Variants in ANOS1 observed in about 807,000 individuals in gnomAD.
ANOS1 encodes the protein anosmin-1.
A neutral mutation model predicts 59.0 loss-of-function variants in ANOS1; 6 were observed. That is an observed-to-expected ratio of 0.10 (90% confidence interval 0.06 to 0.20). The LOEUF (loss-of-function observed/expected upper bound fraction) is 0.20, where lower values mean the gene tolerates loss of function less well. Among genes scored for constraint, ANOS1 ranks in the 10% least tolerant of loss-of-function variants. ANOS1 has a pLI of 1.00. For missense variants in ANOS1, 433 were observed against 542.3 expected, an observed-to-expected ratio of 0.80 and a Z score of 2.00; for synonymous variants, 217 against 223.4, an observed-to-expected ratio of 0.97 and a Z score of 0.25.
At chrX:8,719,831 T>C (rs1468757008) in intron 1 of ANOS1, among the ~76,000 whole-genome samples, 1 of 111,475 alleles carries the variant, frequency 9.0e-6, no homozygotes, top group Non-Finnish European at 1.9e-5. Context: ...AAAAACCTTA[T>C]GAAAATAAAA....
chrX:8,632,150 C>T (rs754919556), intron 2 of ANOS1, among the ~76,000 whole-genome samples: 1 of 112,092 alleles, frequency 8.9e-6, no homozygotes, highest in East Asian at 2.8e-4. Flanking sequence ...CTAGCCAAGT[C>T]TGAAGGCAAC....
chrX:8,629,417 C>CT (rs1931449799), intron 2 of ANOS1, among the ~76,000 whole-genome samples: 1 of 111,253 alleles, frequency 9.0e-6, no homozygotes, highest in Non-Finnish European at 1.9e-5. Context: ...CATGATAAAG[C>CT]ACTTTATGCC....
At chrX:8,660,126 G>GGCTA (rs111939924) in intron 2 of ANOS1, among the ~76,000 whole-genome samples, 6,718 of 110,513 alleles carry the variant, frequency 0.061, 552 homozygotes, top group African/African-American at 0.21. Context: ...GAGGAGAAGG[G>GGCTA]GCTACCTTCC....
intron 2 of ANOS1, among the ~76,000 whole-genome samples, chrX:8,692,918 T>C (rs1430878296): frequency 8.9e-6 from 1 of 112,431 alleles, no homozygotes; most frequent in Admixed American, 9.4e-5. Context: ...TCTTAGTCTA[T>C]CTTGTGTTAA....
intron 8 of ANOS1, among the ~76,000 whole-genome samples, chrX:8,561,620 A>AT (rs145175421): frequency 2.8e-5 from 3 of 107,341 alleles, no homozygotes; most frequent in Non-Finnish European, 5.8e-5. Context: ...CAGCCGGCTA[A>AT]TTTTTTTTAA....
chrX:8,707,622 A>G (rs1260562145), intron 1 of ANOS1, among the ~76,000 whole-genome samples: 1 of 112,100 alleles, frequency 8.9e-6, no homozygotes. Flanking sequence ...ATACAGTGTA[A>G]CAGCTATTTA....
chrX:8,553,171 C>T (rs1929884851), intron 9 of ANOS1, among the ~76,000 whole-genome samples: 2 of 108,491 alleles, frequency 1.8e-5, no homozygotes, highest in African/African-American at 6.7e-5. Context: ...CTAAAAGTAC[C>T]ACCTTGATAA....
chrX:8,713,909 G>A (rs749479066), intron 1 of ANOS1, among the ~76,000 whole-genome samples: 48 of 111,760 alleles, frequency 4.3e-4, no homozygotes, highest in Non-Finnish European at 7.1e-4. Context: ...CACCGTGTCC[G>A]GCCCAAATGT....
intron 1 of ANOS1, among the ~76,000 whole-genome samples, chrX:8,727,577 G>T (rs1932930802): frequency 8.9e-6 from 1 of 112,373 alleles, no homozygotes; most frequent in Middle Eastern, 4.7e-3. Context: ...GCCTATGAAG[G>T]GGAGGCACCT....
In ANOS1 at chrX:8,672,980, A is replaced by G. The variant is rs192659012; in HGVS notation, c.255+26718T>C. On this transcript the variant is annotated intron_variant, in intron 2 of 13. Coordinates refer to ENST00000262648, the MANE Select transcript of ANOS1 (RefSeq NM_000216.4). ...AGGAGCATATAACTAAATAAATGCC[A>G]TCTAATATTGGGCATCATCAATGTA... Among the ~76,000 whole-genome samples the G allele has an allele frequency of 6.0e-3, 674 of 112,156 alleles. 5 individuals carry two copies. The highest frequency in any genetic ancestry group is 0.021 in the African/African-American group (637 of 30,916).
chrX:8,579,738 C>T (rs1930389291), intron 6 of ANOS1, among the ~76,000 whole-genome samples: 1 of 111,414 alleles, frequency 9.0e-6, no homozygotes, highest in Non-Finnish European at 1.9e-5. Flanking sequence ...AGACCAGATA[C>T]GCTAGGAACA....
intron 2 of ANOS1, among the ~76,000 whole-genome samples, chrX:8,640,742 C>T (rs1481400176): frequency 9.0e-6 from 1 of 110,699 alleles, no homozygotes; most frequent in Non-Finnish European, 1.9e-5. Context: ...AAATAAAGAG[C>T]TCATTCTATT....
At chrX:8,670,302 T>G (rs1362180642) in intron 2 of ANOS1, among the ~76,000 whole-genome samples, 1 of 111,448 alleles carries the variant, frequency 9.0e-6, no homozygotes, top group Non-Finnish European at 1.9e-5. Flanking sequence ...CTCATGGACC[T>G]GCAAGGTAAA....
intron 3 of ANOS1, among the ~76,000 whole-genome samples, chrX:8,613,595 C>G (rs1931106016): frequency 9.0e-6 from 1 of 111,135 alleles, no homozygotes; most frequent in Middle Eastern, 4.7e-3. Flanking sequence ...CTGCACAAAT[C>G]ACAGAAGGTT....
chrX:8,584,172 C>G (rs1481829806), intron 6 of ANOS1, among the ~76,000 whole-genome samples: 1 of 112,005 alleles, frequency 8.9e-6, no homozygotes, highest in African/African-American at 3.2e-5. Flanking sequence ...ATATTTTGAC[C>G]AGAACATCTC....
chrX:8,694,289 T>C (rs1180246950), intron 2 of ANOS1, among the ~76,000 whole-genome samples: 1 of 112,264 alleles, frequency 8.9e-6, no homozygotes, highest in African/African-American at 3.2e-5. Context: ...AACATTATAA[T>C]ATATGGGAAA....
chrX:8,702,751 A>G (rs1473569945), intron 1 of ANOS1, among the ~76,000 whole-genome samples: 2 of 112,229 alleles, frequency 1.8e-5, no homozygotes, highest in African/African-American at 6.5e-5. Context: ...TCCTGGATTC[A>G]ACTTGAGTGT....
At position 8,585,321 on chromosome X, in the gene ANOS1, C is replaced by T; in HGVS notation, c.802G>A (p.Val268Met). The T allele has an allele frequency of 1.7e-6, 2 of 1,209,815 alleles. No individual in the cohort carries two copies. The highest frequency in any genetic ancestry group is 1.8e-5 in the South Asian group (1 of 56,959). The change falls in exon 6 of 14, where the codon GTG (valine) becomes ATG (methionine). Residue 268 changes from valine (V) to methionine (M), a missense_variant. By Grantham distance (21) the Val-to-Met change is conservative. Coordinates refer to ENST00000262648, the MANE Select transcript of ANOS1 (RefSeq NM_000216.4). The part of the protein sequence containing the change: ...WYQFRVAAVN[V>M]HGTRGFTAPS... Reference sequence around the variant, plus strand: ...GCAGTGAAGCCTCGAGTTCCATGCACATTCACAGCAGCCACTCGAAACTGG... The same window carrying T: ...GCAGTGAAGCCTCGAGTTCCATGCATATTCACAGCAGCCACTCGAAACTGG...
intron 4 of ANOS1, among the ~76,000 whole-genome samples, chrX:8,596,709 T>C (rs914943720): frequency 8.9e-6 from 1 of 111,923 alleles, no homozygotes; most frequent in South Asian, 3.8e-4. Context: ...TAAATCGATT[T>C]ATTCCAGTGT....
Sources: allele counts gnomAD v4.1 joint callset (sites outside exome capture counted in the v4.1 genomes callset), GRCh38; gene constraint gnomAD v4.1.1; transcripts MANE v1.5; gene names NCBI Gene and HGNC (gene_info 2026-07-23, HGNC 2026-07-21).